Variants in NOL4 observed in about 807,000 individuals in gnomAD.
The protein encoded by NOL4 is nucleolar protein 4.
Under a neutral mutation model 75.9 loss-of-function variants are expected in NOL4, and 17 were observed. The ratio of observed to expected loss-of-function variants is 0.22; its 90% CI spans 0.15 to 0.34. The LOEUF is 0.34. NOL4 is among the 10% of genes least tolerant of loss of function. The pLI, the probability that NOL4 is intolerant of heterozygous loss-of-function variation, is 1.00. For synonymous variants in NOL4, 292 were observed against 289.9 expected, an observed-to-expected ratio of 1.01 and a Z score of -0.07; for missense variants, 614 against 793.5, an observed-to-expected ratio of 0.77 and a Z score of 2.72.
At chr18:33,898,945 C>G (rs924159437) in intron 9 of NOL4, among the ~76,000 whole-genome samples, 2 of 152,164 alleles carry the variant, frequency 1.3e-5, no homozygotes, top group Middle Eastern at 3.2e-3. Context: ...ACATTATTAA[C>G]TCAATTTTGC....
chr18:34,131,072 C>T (rs896618744), intron 1 of NOL4, among the ~76,000 whole-genome samples: 1 of 107,966 alleles, frequency 9.3e-6, no homozygotes, highest in South Asian at 2.7e-4. Flanking sequence ...ACACATACAC[C>T]GACACACACA....
chr18:33,978,590 A>G (rs2071692012), intron 6 of NOL4, among the ~76,000 whole-genome samples: 1 of 152,078 alleles, frequency 6.6e-6, no homozygotes, highest in African/African-American at 2.4e-5. Context: ...TTTGTTTATT[A>G]AGTATTAATT....
chr18:33,854,797 G>C lies in NOL4; in HGVS notation c.1724-1762C>G, dbSNP rs147007824. On this transcript the variant is annotated intron_variant, in intron 10 of 10. Transcript: ENST00000261592. ...ATGGTTTTTGCTGTCAATCCAAGTTGATTGGCATCCTTAAGTAAAATTGAG... is the reference window on the plus strand; with the variant it reads ...ATGGTTTTTGCTGTCAATCCAAGTTCATTGGCATCCTTAAGTAAAATTGAG... Among the ~76,000 whole-genome samples, 440 of 151,742 alleles carry C rather than the reference G, an allele frequency of 2.9e-3. 12 individuals are homozygous for C. In the East Asian group the frequency reaches 0.075, roughly 26 times the overall value.
chr18:33,901,234 T>C (rs935478434), intron 9 of NOL4, among the ~76,000 whole-genome samples: 1 of 152,188 alleles, frequency 6.6e-6, no homozygotes, highest in Admixed American at 6.6e-5. Flanking sequence ...TTTGTTTATG[T>C]GATTTTTTTG....
At chr18:33,893,221 G>A (rs1249453104) in intron 9 of NOL4, among the ~76,000 whole-genome samples, 3 of 152,048 alleles carry the variant, frequency 2.0e-5, no homozygotes, top group Admixed American at 6.6e-5. Context: ...TCCAAAAAAA[G>A]GGATTTATAA....
Position 33,952,776 on chromosome 18 carries a change from T to C in NOL4, c.1428+4550A>G, listed in dbSNP as rs556116940. On this transcript the variant is annotated intron_variant, in intron 8 of 10. Coordinates refer to ENST00000261592, the MANE Select transcript of NOL4 (RefSeq NM_003787.5). ...CCCATCTCTACTAAAAATACAAAAGTAGCCAGGTGTTTTGGTGCATGCCTG... is the reference window on the plus strand; with the variant it reads ...CCCATCTCTACTAAAAATACAAAAGCAGCCAGGTGTTTTGGTGCATGCCTG... 1.1e-4 allele frequency among the ~76,000 whole-genome samples: 16 copies of C among 152,164 alleles called. No individual in the cohort carries two copies. The East Asian group carries it at 3.1e-3, about 29-fold the overall frequency.
chr18:34,006,191 G>T (rs563092459), intron 6 of NOL4, among the ~76,000 whole-genome samples: 5 of 152,138 alleles, frequency 3.3e-5, no homozygotes, highest in African/African-American at 4.8e-5. Context: ...TCCAAAGATT[G>T]TTCCAAATAA....
chr18:33,858,165 C>T (rs545534781), intron 10 of NOL4, among the ~76,000 whole-genome samples: 2 of 152,110 alleles, frequency 1.3e-5, no homozygotes, highest in Admixed American at 6.6e-5. Flanking sequence ...TGCCATAATG[C>T]TAAAAGTCTT....
chr18:33,875,215 A>G (rs1025439421), intron 10 of NOL4, among the ~76,000 whole-genome samples: 20 of 152,050 alleles, frequency 1.3e-4, no homozygotes, highest in African/African-American at 4.1e-4. Flanking sequence ...AGACAGCTCA[A>G]TGTGAACTTC....
At chr18:34,206,622 C>T (rs889630470) in intron 1 of NOL4, among the ~76,000 whole-genome samples, 31 of 152,138 alleles carry the variant, frequency 2.0e-4, no homozygotes, top group African/African-American at 7.2e-4. Flanking sequence ...TGTTTGCCTA[C>T]AAATAACGTG....
chr18:34,022,109 A>AAAAAT (rs2075080643), intron 5 of NOL4, among the ~76,000 whole-genome samples: 1 of 151,578 alleles, frequency 6.6e-6, no homozygotes. Context: ...CATCTCAAAA[A>AAAAAT]AAATAAATAA....
chr18:33,952,259 T>C (rs1274702422), intron 8 of NOL4, among the ~76,000 whole-genome samples: 2 of 152,182 alleles, frequency 1.3e-5, no homozygotes, highest in Admixed American at 1.3e-4. Context: ...ATATTGGCTA[T>C]ATTCTTTACA....
Position 33,851,857 on chromosome 18 carries a change from A to G in NOL4, c.*985T>C, listed in dbSNP as rs1182064015. On this transcript the variant is annotated 3_prime_UTR_variant, in exon 11 of 11. Transcript: ENST00000261592. ...GGAAACTATTTCTGAAAGAAATGAA[A>G]AGAAAACTACACACAAGAGTGCAAA... is the stretch of plus-strand genomic sequence containing the variant. 6.6e-6 allele frequency: 1 copy of G among 152,524 alleles called. No homozygotes were observed. The highest frequency in any genetic ancestry group is 1.9e-4 in the East Asian group (1 of 5,174). 9.4% of individuals were successfully genotyped at this position (152,524 alleles called of 1,614,324 possible).
intron 9 of NOL4, among the ~76,000 whole-genome samples, chr18:33,917,386 T>A (rs2066785714): frequency 6.6e-6 from 1 of 152,114 alleles, no homozygotes; most frequent in Non-Finnish European, 1.5e-5. Context: ...ATAAATTAGG[T>A]AATATTAATT....
At chr18:33,944,127 G>A (rs2145584742) in intron 8 of NOL4, among the ~76,000 whole-genome samples, 1 of 151,902 alleles carries the variant, frequency 6.6e-6, no homozygotes, top group African/African-American at 2.4e-5. Context: ...TGAAATAAAT[G>A]TATCTTTTGG....
At chr18:33,943,910 A>T (rs1195808122) in intron 8 of NOL4, among the ~76,000 whole-genome samples, 1 of 151,860 alleles carries the variant, frequency 6.6e-6, no homozygotes, top group African/African-American at 2.4e-5. Flanking sequence ...ATTAACTGTA[A>T]ATTGTTTGCA....
At chr18:33,902,972 A>G (rs2065829717) in intron 9 of NOL4, among the ~76,000 whole-genome samples, 2 of 152,154 alleles carry the variant, frequency 1.3e-5, no homozygotes, top group Admixed American at 1.3e-4. Flanking sequence ...TTTTGTTCAA[A>G]TATTTTGAGC....
intron 5 of NOL4, among the ~76,000 whole-genome samples, chr18:34,033,926 G>C (rs777723688): frequency 6.6e-6 from 1 of 151,926 alleles, no homozygotes; most frequent in African/African-American, 2.4e-5. Flanking sequence ...AATCACGAAG[G>C]ATACTATACC....
At chr18:34,111,930 T>C (rs1272696080) in intron 2 of NOL4, among the ~76,000 whole-genome samples, 1 of 152,136 alleles carries the variant, frequency 6.6e-6, no homozygotes, top group Non-Finnish European at 1.5e-5. Context: ...AATATGGTGG[T>C]TCCCCTAGAA....
Sources: allele counts gnomAD v4.1 joint callset (sites outside exome capture counted in the v4.1 genomes callset), GRCh38; gene constraint gnomAD v4.1.1; transcripts MANE v1.5; gene names NCBI Gene and HGNC (gene_info 2026-07-23, HGNC 2026-07-21).